PLXDC2: variants seen among roughly 807,000 people sequenced by gnomAD.
PLXDC2 encodes the protein plexin domain containing 2.
In PLXDC2, 40 loss-of-function variants were observed where a neutral mutation model predicts 68.9. The observed-to-expected ratio is 0.58, with a 90% CI of 0.45 to 0.76. PLXDC2 has a LOEUF of 0.76. Among genes scored for constraint, PLXDC2 ranks in the 30% least tolerant of loss-of-function variants. The pLI, the probability that PLXDC2 is intolerant of heterozygous loss-of-function variation, is 0.00. For missense variants in PLXDC2, 644 were observed against 661.9 expected, an observed-to-expected ratio of 0.97 and a Z score of 0.30; for synonymous variants, 243 against 234.2, an observed-to-expected ratio of 1.04 and a Z score of -0.34.
At chr10:19,923,413 G>A (rs963803553) in intron 1 of PLXDC2, among the ~76,000 whole-genome samples, 5 of 152,158 alleles carry the variant, frequency 3.3e-5, no homozygotes, top group Admixed American at 2.6e-4. Flanking sequence ...GTTTATCAAA[G>A]AGTTATGTAA....
At chr10:20,076,614 C>T (rs771193477) in intron 4 of PLXDC2, among the ~76,000 whole-genome samples, 3 of 152,154 alleles carry the variant, frequency 2.0e-5, no homozygotes, top group African/African-American at 7.2e-5. Flanking sequence ...TCCTGTGCTG[C>T]CTTTTTAGTT....
At chr10:19,853,697 T>G (rs1589501793) in intron 1 of PLXDC2, among the ~76,000 whole-genome samples, 2 of 150,488 alleles carry the variant, frequency 1.3e-5, no homozygotes, top group African/African-American at 2.4e-5. Context: ...GAAGACAGAG[T>G]GAAAATGAGG....
chr10:20,172,998 TA>T (rs1456246660), intron 7 of PLXDC2, among the ~76,000 whole-genome samples: 3 of 152,230 alleles, frequency 2.0e-5, no homozygotes, highest in Non-Finnish European at 2.9e-5. Flanking sequence ...GTAGCTACTT[TA>T]TTTAACAACT....
In PLXDC2 at chr10:20,177,399, A is replaced by G; in HGVS notation, c.1051A>G (p.Lys351Glu). The stretch of plus-strand genomic sequence containing the variant: ...TGGCTTCAACTGCAGTTGGTGTAGT[A>G]AACTTCAAAGGTAAAAATATAATAA... ...QIGFNCSWCS[K>E]LQRCSSGFDR... Residue 351 changes from lysine to glutamate, a missense_variant, in exon 9 of 14, where the codon AAA becomes GAA. Physicochemically the swap from Lys to Glu is moderately conservative, Grantham distance 56. This residue lies in a region of PLXDC2 where 330 missense variants were observed against 327.9 expected (regional missense o/e 1.01). Transcript: ENST00000377252. 1 of 1,540,596 alleles carries G rather than the reference A, an allele frequency of 6.5e-7. No individual in the cohort carries two copies. Among genetic ancestry groups the G allele is most frequent in the Non-Finnish European group, 8.9e-7 (1 of 1,117,912 alleles).
At chr10:20,147,929 C>A in intron 6 of PLXDC2, 27 bp downstream of exon 6, 1 of 1,480,854 alleles carries the variant, frequency 6.8e-7, no homozygotes, top group Non-Finnish European at 9.4e-7. Flanking sequence ...TAATTTCTTT[C>A]CCTTCCCCTT....
chr10:19,894,977 C>T (rs1241919715), intron 1 of PLXDC2, among the ~76,000 whole-genome samples: 2 of 152,186 alleles, frequency 1.3e-5, no homozygotes, highest in African/African-American at 4.8e-5. Flanking sequence ...CACATGCACA[C>T]ATATGTTTAT....
intron 1 of PLXDC2, among the ~76,000 whole-genome samples, chr10:19,968,568 C>T (rs567609013): frequency 3.3e-5 from 5 of 152,222 alleles, no homozygotes; most frequent in South Asian, 2.1e-4. Flanking sequence ...CTGCCTTGGC[C>T]GCCCAAAGTG....
chr10:20,053,458 T>A (rs1323917220), intron 3 of PLXDC2, among the ~76,000 whole-genome samples: 1 of 152,106 alleles, frequency 6.6e-6, no homozygotes, highest in Non-Finnish European at 1.5e-5. Flanking sequence ...GGGTATTTTG[T>A]CCTTCATTCA....
At chr10:20,165,215 T>G (rs1013881588) in intron 7 of PLXDC2, among the ~76,000 whole-genome samples, 1 of 152,140 alleles carries the variant, frequency 6.6e-6, no homozygotes, top group African/African-American at 2.4e-5. Flanking sequence ...GCATATGACT[T>G]TTCATATATG....
chr10:20,128,553 A>G (rs946480726), intron 4 of PLXDC2, among the ~76,000 whole-genome samples: 1 of 152,144 alleles, frequency 6.6e-6, no homozygotes, highest in Admixed American at 6.6e-5. Flanking sequence ...CAAGTATGCA[A>G]TGCAGTATTA....
intron 5 of PLXDC2, among the ~76,000 whole-genome samples, chr10:20,144,334 A>G (rs894550150): frequency 2.0e-5 from 3 of 152,146 alleles, no homozygotes; most frequent in Admixed American, 6.5e-5. Context: ...AATAGACTTG[A>G]TGGTAGCTGT....
intron 6 of PLXDC2, among the ~76,000 whole-genome samples, chr10:20,157,506 A>G (rs1834232553): frequency 6.6e-6 from 1 of 152,206 alleles, no homozygotes; most frequent in Non-Finnish European, 1.5e-5. Context: ...CTATTACTTA[A>G]GCGGCATGCT....
At chr10:19,948,390 C>CT (rs59867874) in intron 1 of PLXDC2, among the ~76,000 whole-genome samples, 22,091 of 144,454 alleles carry the variant, frequency 0.15, 1,745 homozygotes, top group Admixed American at 0.17. Flanking sequence ...TTCTTTCTTT[C>CT]TTTTTTTTTT....
intron 6 of PLXDC2, among the ~76,000 whole-genome samples, chr10:20,163,005 C>T (rs1044305677): frequency 4.0e-5 from 6 of 151,570 alleles, no homozygotes; most frequent in East Asian, 3.9e-4. Context: ...AGCTTCAACC[C>T]GGGAGGCGGA....
intron 9 of PLXDC2, among the ~76,000 whole-genome samples, chr10:20,188,904 G>T (rs1436825228): frequency 8.6e-5 from 13 of 151,656 alleles, no homozygotes; most frequent in African/African-American, 2.2e-4. Context: ...ATTTAAGGAG[G>T]TTCTAAAAAT....
At chr10:20,002,062 T>C in intron 2 of PLXDC2, 76 bp downstream of exon 2, 1 of 1,390,368 alleles carries the variant, frequency 7.2e-7, no homozygotes, top group Non-Finnish European at 9.8e-7. Flanking sequence ...TATATAGACA[T>C]AAGTTGTCTC....
At chr10:20,046,674 AT>A (rs1036862448) in intron 2 of PLXDC2, among the ~76,000 whole-genome samples, 194 bp from the exon 3 acceptor site, 4 of 151,918 alleles carry the variant, frequency 2.6e-5, no homozygotes, top group Non-Finnish European at 5.9e-5. Context: ...ATTTATTAAC[AT>A]TTTTTTCTTA....
At chr10:20,199,064 A>G (rs1426431038) in intron 9 of PLXDC2, among the ~76,000 whole-genome samples, 1 of 152,092 alleles carries the variant, frequency 6.6e-6, no homozygotes, top group Non-Finnish European at 1.5e-5. Context: ...TTAAAAATCC[A>G]GTCAATAGTT....
At chr10:20,115,565 G>A (rs1196818127) in intron 4 of PLXDC2, among the ~76,000 whole-genome samples, 4 of 152,072 alleles carry the variant, frequency 2.6e-5, no homozygotes, top group Admixed American at 2.6e-4. Context: ...AAATAGGCAG[G>A]AGAGAATTAA....
Sources: allele counts gnomAD v4.1 joint callset (sites outside exome capture counted in the v4.1 genomes callset), GRCh38; gene constraint gnomAD v4.1.1; regional missense constraint gnomAD v4.1.1; transcripts MANE v1.5; gene names NCBI Gene and HGNC (gene_info 2026-07-23, HGNC 2026-07-21).